The following IFT56 variants were observed in gnomAD, a reference collection of about 807,000 sequenced individuals.
IFT56 encodes the protein intraflagellar transport 56.
At chr7:139,160,922 A>C in the IFT56 span, 2 of 1,592,090 alleles carry the variant, frequency 1.3e-6, no homozygotes, top group African/African-American at 2.7e-5. Context: ...TGTCATTTTC[A>C]TAAGCCTTTC....
the IFT56 span, among the ~76,000 whole-genome samples, chr7:139,137,170 A>G: frequency 6.6e-6 from 1 of 152,182 alleles, no homozygotes; most frequent in Non-Finnish European, 1.5e-5. Context: ...GAAATTCAGA[A>G]TTCTCTGTCA....
At chr7:139,140,930 G>C in the IFT56 span, among the ~76,000 whole-genome samples, 2 of 149,084 alleles carry the variant, frequency 1.3e-5, no homozygotes, top group Non-Finnish European at 2.9e-5. Flanking sequence ...CCAAATTCAT[G>C]GCAAACATGG....
At chr7:139,146,951 C>A in the IFT56 span, 2 of 1,499,068 alleles carry the variant, frequency 1.3e-6, no homozygotes, top group Non-Finnish European at 1.8e-6. Context: ...TCAAGCTATG[C>A]CTCCAGAGGC....
chr7:139,149,056 A>C, the IFT56 span, among the ~76,000 whole-genome samples: 1 of 152,190 alleles, frequency 6.6e-6, no homozygotes. Context: ...CTGTAATCCC[A>C]GCACTTTGGG....
the IFT56 span, chr7:139,139,943 C>A: frequency 1.5e-5 from 24 of 1,612,890 alleles, no homozygotes; most frequent in East Asian, 2.2e-5. Context: ...TCTGGGTGAA[C>A]CTAGCTTGCA....
the IFT56 span, among the ~76,000 whole-genome samples, chr7:139,182,179 A>T: frequency 0.027 from 4,059 of 152,224 alleles, 60 homozygotes; most frequent in Middle Eastern, 0.051. Context: ...AGATTTTTTT[A>T]AAATCAGCCT....
chr7:139,166,063 T>G, the IFT56 span, among the ~76,000 whole-genome samples: 1 of 152,178 alleles, frequency 6.6e-6, no homozygotes, highest in South Asian at 2.1e-4. Context: ...TTTCAAGCAA[T>G]TCTCCTGCCT....
chr7:139,156,752 C>T, the IFT56 span, among the ~76,000 whole-genome samples: 52 of 152,168 alleles, frequency 3.4e-4, no homozygotes, highest in Admixed American at 1.2e-3. Context: ...CCTACTATTC[C>T]GCCACCTTTG....
the IFT56 span, among the ~76,000 whole-genome samples, chr7:139,159,724 T>G: frequency 1.3e-5 from 2 of 152,234 alleles, no homozygotes; most frequent in African/African-American, 4.8e-5. Context: ...CACTAAATTT[T>G]TGATTTGATA....
the IFT56 span, among the ~76,000 whole-genome samples, chr7:139,162,771 CAACA>C: frequency 6.7e-6 from 1 of 149,450 alleles, no homozygotes; most frequent in Non-Finnish European, 1.5e-5. Context: ...CCAGCCTGAC[CAACA>C]TGGTGAAACT....
chr7:139,178,380 G>C, the IFT56 span: 1 of 1,457,144 alleles, frequency 6.9e-7, no homozygotes, highest in Non-Finnish European at 9.5e-7. Flanking sequence ...TACCCTTAGA[G>C]ATGGCCCATT....
chr7:139,173,106 C>G, the IFT56 span: 1 of 717,332 alleles, frequency 1.4e-6, no homozygotes, highest in South Asian at 1.5e-5. Flanking sequence ...TTGGCTGACT[C>G]TCTGTGGACT....
the IFT56 span, among the ~76,000 whole-genome samples, chr7:139,176,930 T>A: frequency 6.6e-6 from 1 of 151,908 alleles, no homozygotes; most frequent in Admixed American, 6.6e-5. Context: ...TCCCAGCACT[T>A]TGGGAGGCTG....
At chr7:139,176,894 C>T in the IFT56 span, among the ~76,000 whole-genome samples, 1 of 152,058 alleles carries the variant, frequency 6.6e-6, no homozygotes. Flanking sequence ...TATATAGTGG[C>T]CAGGTGCGGT....
chr7:139,182,996 TAAG>T, the IFT56 span, among the ~76,000 whole-genome samples: 15 of 151,850 alleles, frequency 9.9e-5, no homozygotes, highest in Admixed American at 2.6e-4. Flanking sequence ...ATATTAAAAA[TAAG>T]AAGGAAAAAT....
the IFT56 span, among the ~76,000 whole-genome samples, chr7:139,182,098 G>A: frequency 6.6e-6 from 1 of 152,184 alleles, no homozygotes; most frequent in African/African-American, 2.4e-5. Context: ...GTGTGTGTGT[G>A]GAGGGGCGGG....
chr7:139,179,598 A>G, the IFT56 span: 14 of 1,613,944 alleles, frequency 8.7e-6, no homozygotes, highest in Non-Finnish European at 1.2e-5. Context: ...CCAAAGTGAG[A>G]AGATGAAAAA....
chr7:139,163,055 C>T, the IFT56 span, among the ~76,000 whole-genome samples: 1 of 151,158 alleles, frequency 6.6e-6, no homozygotes, highest in African/African-American at 2.4e-5. Flanking sequence ...TAGAAAATGG[C>T]ATTGATAGGC....
chr7:139,182,394 TGGTG>T, the IFT56 span, among the ~76,000 whole-genome samples: 1 of 152,122 alleles, frequency 6.6e-6, no homozygotes, highest in Non-Finnish European at 1.5e-5. Context: ...TAACATGACT[TGGTG>T]GGTGGCAATG....
Sources: allele counts gnomAD v4.1 joint callset (sites outside exome capture counted in the v4.1 genomes callset), GRCh38; gene constraint gnomAD v4.1.1; transcripts MANE v1.5; gene names NCBI Gene and HGNC (gene_info 2026-07-23, HGNC 2026-07-21).